Variants in DPP10 observed in about 807,000 individuals in gnomAD.
DPP10 encodes dipeptidyl peptidase like 10, also known as inactive dipeptidyl peptidase 10.
In DPP10, 33 loss-of-function variants were observed where a neutral mutation model predicts 120.9. The observed-to-expected ratio is 0.27, with a 90% CI of 0.21 to 0.37. DPP10 has a LOEUF of 0.37. DPP10 is among the 10% of genes least tolerant of loss of function. The pLI is 1.00. For missense variants in DPP10, 816 were observed against 942.8 expected, an observed-to-expected ratio of 0.87 and a Z score of 1.76; for synonymous variants, 337 against 326.1, an observed-to-expected ratio of 1.03 and a Z score of -0.36.
At chr2:115,349,199 A>T (rs1385637723) in intron 3 of DPP10, among the ~76,000 whole-genome samples, 2 of 152,148 alleles carry the variant, frequency 1.3e-5, no homozygotes, top group East Asian at 3.9e-4. Context: ...TCATGTTGGA[A>T]AAAAATAAAC....
intron 1 of DPP10, among the ~76,000 whole-genome samples, chr2:114,604,229 G>A (rs779871368): frequency 2.7e-4 from 41 of 152,036 alleles, no homozygotes; most frequent in African/African-American, 9.2e-4. Context: ...GGCAAGGCAC[G>A]AGGAGCCATT....
At chr2:115,480,386 A>G (rs922927277) in intron 3 of DPP10, among the ~76,000 whole-genome samples, 2 of 151,992 alleles carry the variant, frequency 1.3e-5, no homozygotes, top group East Asian at 1.9e-4. Flanking sequence ...CTTACTGACT[A>G]GGTTATAGGT....
At chr2:114,673,974 A>T (rs1162880529) in intron 1 of DPP10, among the ~76,000 whole-genome samples, 1 of 152,128 alleles carries the variant, frequency 6.6e-6, no homozygotes, top group Non-Finnish European at 1.5e-5. Context: ...TTCATGAATT[A>T]TTTATACTCT....
chr2:115,293,337 TA>T (rs1403875225), intron 1 of DPP10, among the ~76,000 whole-genome samples: 60 of 152,226 alleles, frequency 3.9e-4, no homozygotes, highest in African/African-American at 1.3e-3. Context: ...AATGTTTCCT[TA>T]TCCATTCATT....
chr2:115,840,318 G>GTTTTTTTTTT (rs1559227733), intron 24 of DPP10, among the ~76,000 whole-genome samples: 33 of 31,884 alleles, frequency 1.0e-3, no homozygotes, highest in African/African-American at 2.9e-3. Context: ...AAGGTTTTTT[G>GTTTTTTTTTT]GTTTTTTTTT....
chr2:114,810,184 A>G (rs1685063794), intron 1 of DPP10, among the ~76,000 whole-genome samples: 1 of 152,172 alleles, frequency 6.6e-6, no homozygotes, highest in African/African-American at 2.4e-5. Context: ...TTACTTCTCG[A>G]TCTGAACTCT....
intron 1 of DPP10, among the ~76,000 whole-genome samples, chr2:114,697,523 G>T (rs1700136339): frequency 6.6e-6 from 1 of 151,896 alleles, no homozygotes; most frequent in Non-Finnish European, 1.5e-5. Flanking sequence ...GGCCGAGGAG[G>T]GTGGATCATG....
rs542650422 is a variant in DPP10, at chr2:114,705,978, C to A, written c.60+263140C>A. 1.1e-4 allele frequency among the ~76,000 whole-genome samples: 16 copies of A among 152,290 alleles called. No homozygotes were observed. The East Asian group carries it at 2.9e-3, about 28-fold the overall frequency. On this transcript the variant is annotated intron_variant, in intron 1 of 25. Coordinates refer to ENST00000410059, the MANE Select transcript of DPP10 (RefSeq NM_020868.6). ...TGTTCCAAGGGTTCATATGAATATT[C>A]CACACTGACAGGAGGAGAGAGTGTC...
At chr2:115,027,585 T>C (rs1703554070) in intron 1 of DPP10, among the ~76,000 whole-genome samples, 1 of 152,186 alleles carries the variant, frequency 6.6e-6, no homozygotes, top group South Asian at 2.1e-4. Flanking sequence ...TATTGACCTG[T>C]AGCTTTCTTT....
At chr2:114,873,818 A>T (rs1331433334) in intron 1 of DPP10, among the ~76,000 whole-genome samples, 2 of 152,190 alleles carry the variant, frequency 1.3e-5, no homozygotes, top group South Asian at 2.1e-4. Context: ...TCTCAGACAC[A>T]GAAGTGAGAT....
chr2:115,349,951 G>A (rs564412606), intron 3 of DPP10, among the ~76,000 whole-genome samples: 11 of 151,936 alleles, frequency 7.2e-5, no homozygotes, highest in Non-Finnish European at 1.0e-4. Context: ...TTGTATCTTC[G>A]TGACCAAAGT....
chr2:114,560,257 G>A (rs1573654725), intron 1 of DPP10, among the ~76,000 whole-genome samples: 1 of 152,160 alleles, frequency 6.6e-6, no homozygotes, highest in East Asian at 1.9e-4. Context: ...AGTGGAAGAG[G>A]AGAAGCATTC....
At chr2:114,566,248 C>T (rs557487883) in intron 1 of DPP10, among the ~76,000 whole-genome samples, 1 of 152,132 alleles carries the variant, frequency 6.6e-6, no homozygotes, top group Non-Finnish European at 1.5e-5. Flanking sequence ...CCAGCAAGAG[C>T]AAAGGAGCTC....
chr2:114,662,336 G>A (rs1055517158), intron 1 of DPP10, among the ~76,000 whole-genome samples: 1 of 152,198 alleles, frequency 6.6e-6, no homozygotes, highest in African/African-American at 2.4e-5. Context: ...CTGCGGGGGC[G>A]CGGGCACCGC....
At chr2:114,803,743 G>A (rs1684472453) in intron 1 of DPP10, among the ~76,000 whole-genome samples, 2 of 152,078 alleles carry the variant, frequency 1.3e-5, no homozygotes, top group Admixed American at 1.3e-4. Context: ...AGGTGACTTG[G>A]GTACTGTTAA....
chr2:114,569,360 G>A (rs1689446967), intron 1 of DPP10, among the ~76,000 whole-genome samples: 2 of 152,174 alleles, frequency 1.3e-5, no homozygotes, highest in South Asian at 2.1e-4. Context: ...TCTGGAGTGA[G>A]TGCATGTTAC....
chr2:114,521,251 GACACAC>G lies in DPP10; in HGVS notation c.60+78445_60+78450del, dbSNP rs60539029. ...CTAATCTGTCTCTCTCACATGCACA[GACACAC>G]ACACACACACACACACACACACACA... On this transcript the variant is annotated intron_variant, in intron 1 of 25. Coordinates refer to ENST00000410059, the MANE Select transcript of DPP10 (RefSeq NM_020868.6). Among the ~76,000 whole-genome samples, 204 of 144,612 alleles carry G rather than the reference GACACAC, an allele frequency of 1.4e-3. 1 individual carries two copies. Among genetic ancestry groups the G allele is most frequent in the African/African-American group, 4.5e-3 (176 of 39,010 alleles). 94.9% of individuals were successfully genotyped at this position (144,612 alleles called of 152,430 possible). A position where few individuals can be genotyped will look rare whatever the true frequency, so the allele number is the denominator to read the frequency against.
At chr2:115,378,619 C>G (rs1413813010) in intron 3 of DPP10, among the ~76,000 whole-genome samples, 2 of 149,972 alleles carry the variant, frequency 1.3e-5, no homozygotes, top group African/African-American at 4.9e-5. Context: ...GAGGACATCC[C>G]TGTCTTGTGT....
At chr2:114,843,716 T>C (rs941468787) in intron 1 of DPP10, among the ~76,000 whole-genome samples, 1 of 152,124 alleles carries the variant, frequency 6.6e-6, no homozygotes. Context: ...TTCTTTCCCA[T>C]TTATCATTCT....
Sources: gnomAD v4.1 joint callset for allele counts (sites outside exome capture counted in the v4.1 genomes callset) on GRCh38, gnomAD v4.1.1 for gene constraint, MANE v1.5 for transcripts, NCBI Gene and HGNC (gene_info 2026-07-23, HGNC 2026-07-21) for gene names.